The following SORCS1 variants were observed in gnomAD, a reference collection of about 807,000 sequenced individuals.
The protein encoded by SORCS1 is VPS10 domain-containing receptor SorCS1.
Under a neutral mutation model 146.1 loss-of-function variants are expected in SORCS1, and 60 were observed. The ratio of observed to expected loss-of-function variants is 0.41; its 90% confidence interval spans 0.33 to 0.51. SORCS1 has a LOEUF of 0.51. Ranked by LOEUF, SORCS1 falls within the 20% of genes least tolerant of loss-of-function variation. The pLI is 0.21. For synonymous variants in SORCS1, 637 were observed against 584.0 expected (o/e 1.09, Z -1.31); for missense variants, 1,352 against 1,487.6 (o/e 0.91, Z 1.50).
intron 2 of SORCS1, among the ~76,000 whole-genome samples, chr10:106,872,010 A>C (rs1950423991): frequency 6.6e-6 from 1 of 152,246 alleles, no homozygotes; most frequent in African/African-American, 2.4e-5. Context: ...ACTGTCAATG[A>C]AACAAATAAA....
rs1239329152 is a variant in SORCS1 at position 107,163,696 on chromosome 10, C to T, written c.558+273G>A. 2.0e-5 allele frequency among the ~76,000 whole-genome samples: 3 copies of T among 152,094 alleles called. No homozygotes were observed. In the East Asian group the frequency reaches 5.8e-4, roughly 29 times the overall value. ...TTTACCTGGTCTTCAGTTCCACACA[C>T]CAATGCGACCAAGGCAACAGGAAAT... is the stretch of plus-strand genomic sequence containing the variant. On this transcript the variant is annotated intron_variant, in intron 1 of 25. Transcript: ENST00000263054.
intron 1 of SORCS1, among the ~76,000 whole-genome samples, chr10:107,152,546 G>T (rs1335481763): frequency 6.6e-6 from 1 of 152,140 alleles, no homozygotes; most frequent in African/African-American, 2.4e-5. Flanking sequence ...TCATGGGAGT[G>T]GCTACCTCCA....
intron 1 of SORCS1, among the ~76,000 whole-genome samples, chr10:106,978,475 C>A (rs1205805057): frequency 6.6e-6 from 1 of 152,026 alleles, no homozygotes; most frequent in African/African-American, 2.4e-5. Context: ...ATGTAAGGAG[C>A]GGATTAGCAA....
intron 1 of SORCS1, among the ~76,000 whole-genome samples, chr10:107,026,259 G>A (rs947707098): frequency 6.6e-5 from 10 of 152,268 alleles, no homozygotes; most frequent in African/African-American, 1.2e-4. Flanking sequence ...TTTATTAAGA[G>A]GAATAAATTT....
intron 1 of SORCS1, among the ~76,000 whole-genome samples, chr10:107,032,033 T>C (rs1056798886): frequency 3.3e-5 from 5 of 152,134 alleles, no homozygotes; most frequent in African/African-American, 9.7e-5. Context: ...AGAGTGCCCA[T>C]AGGACTCAGT....
chr10:106,972,136 C>A (rs1955814174), intron 1 of SORCS1, among the ~76,000 whole-genome samples: 1 of 152,118 alleles, frequency 6.6e-6, no homozygotes, highest in African/African-American at 2.4e-5. Context: ...AATCCCAGCA[C>A]TTTGAGAAGC....
chr10:106,667,718 G>A lies in SORCS1; in HGVS notation c.2274C>T (p.Ser758=), dbSNP rs1411614446. Residue 758 remains serine (S), a synonymous_variant, in exon 17 of 26, where the codon AGC becomes AGT. Coordinates refer to ENST00000263054, the MANE Select transcript of SORCS1 (RefSeq NM_052918.5). ...FNPSSLSKDC[S]LGQSYLNSTG... is the part of the protein sequence containing the mutation. Reference sequence around the variant, plus strand: ...TACTATTGAGGTAACTCTGTCCCAAGCTGCAATCCTTTGACAGAGAGGATG... The same window carrying A: ...TACTATTGAGGTAACTCTGTCCCAAACTGCAATCCTTTGACAGAGAGGATG... The A allele has an allele frequency of 6.2e-7, 1 of 1,614,020 alleles. No individual in the cohort carries two copies. The highest frequency in any genetic ancestry group is 1.3e-5 in the African/African-American group (1 of 75,050).
intron 18 of SORCS1, among the ~76,000 whole-genome samples, chr10:106,642,042 A>C (rs775942880): frequency 1.9e-4 from 29 of 152,192 alleles, no homozygotes; most frequent in Middle Eastern, 3.2e-3. Context: ...CAAACATCTA[A>C]CTATTTGCTG....
chr10:107,097,048 C>A (rs1289536068), intron 1 of SORCS1, among the ~76,000 whole-genome samples: 1 of 152,170 alleles, frequency 6.6e-6, no homozygotes, highest in East Asian at 1.9e-4. Flanking sequence ...ATATTGAGAT[C>A]TTTTCGCAAA....
chr10:106,690,734 A>ATT (rs1853235218), intron 9 of SORCS1, among the ~76,000 whole-genome samples: 2 of 152,178 alleles, frequency 1.3e-5, no homozygotes. Flanking sequence ...CACTTTGTCC[A>ATT]TTTAAGGTAG....
At chr10:106,976,751 T>C (rs931669729) in intron 1 of SORCS1, among the ~76,000 whole-genome samples, 1 of 152,158 alleles carries the variant, frequency 6.6e-6, no homozygotes, top group African/African-American at 2.4e-5. Flanking sequence ...TGTCTATGTG[T>C]TCTCTTTGTT....
At chr10:107,032,585 G>T (rs1370128764) in intron 1 of SORCS1, among the ~76,000 whole-genome samples, 1 of 152,168 alleles carries the variant, frequency 6.6e-6, no homozygotes, top group African/African-American at 2.4e-5. Flanking sequence ...AGTTAGAAGA[G>T]CTGAGTCACT....
intron 1 of SORCS1, among the ~76,000 whole-genome samples, 189 bp downstream of exon 1, chr10:107,163,780 G>A (rs1259365141): frequency 6.6e-6 from 1 of 152,162 alleles, no homozygotes; most frequent in Admixed American, 6.5e-5. Context: ...GATGGTGTTG[G>A]TGGGAGAGAT....
intron 5 of SORCS1, among the ~76,000 whole-genome samples, chr10:106,734,383 G>A (rs144603861): frequency 7.9e-5 from 12 of 152,272 alleles, no homozygotes; most frequent in Non-Finnish European, 1.6e-4. Context: ...CTTAAGCCAA[G>A]TTGGTTATCC....
intron 23 of SORCS1, among the ~76,000 whole-genome samples, chr10:106,600,947 C>T (rs1846201158): frequency 6.6e-6 from 1 of 152,196 alleles, no homozygotes; most frequent in Admixed American, 6.5e-5. Context: ...TTCTCTCATT[C>T]ATCTGTGAAG....
At chr10:106,865,191 C>T (rs1010790919) in intron 2 of SORCS1, among the ~76,000 whole-genome samples, 1 of 152,186 alleles carries the variant, frequency 6.6e-6, no homozygotes, top group Non-Finnish European at 1.5e-5. Flanking sequence ...GGTCCCTGAT[C>T]CAGTTCCTCT....
At chr10:106,832,655 A>G (rs568494961) in intron 2 of SORCS1, among the ~76,000 whole-genome samples, 3 of 152,206 alleles carry the variant, frequency 2.0e-5, no homozygotes, top group East Asian at 3.9e-4. Context: ...CAAGTTCCAG[A>G]ACAAAAAAAC....
At chr10:106,839,900 G>A (rs573095383) in intron 2 of SORCS1, among the ~76,000 whole-genome samples, 1 of 152,236 alleles carries the variant, frequency 6.6e-6, no homozygotes, top group South Asian at 2.1e-4. Flanking sequence ...TTTACAGCAT[G>A]GCTTATTGGA....
chr10:106,844,387 A>C (rs1030628276), intron 2 of SORCS1, among the ~76,000 whole-genome samples: 2 of 151,878 alleles, frequency 1.3e-5, no homozygotes, highest in Non-Finnish European at 2.9e-5. Context: ...CATTTCTAAG[A>C]CCAATATTGA....
Sources: allele counts gnomAD v4.1 joint callset (sites outside exome capture counted in the v4.1 genomes callset), GRCh38; gene constraint gnomAD v4.1.1; transcripts MANE v1.5; gene names NCBI Gene and HGNC (gene_info 2026-07-23, HGNC 2026-07-21).